Variants in LRRTM4 observed in about 807,000 individuals in gnomAD.
LRRTM4 encodes the protein leucine rich repeat transmembrane neuronal 4, also known as leucine-rich repeat transmembrane neuronal protein 4.
LRRTM4 carries 25 observed loss-of-function variants against 47.6 expected under a neutral mutation model. The observed-to-expected ratio is 0.53, with a 90% confidence interval of 0.38 to 0.73. The LOEUF (loss-of-function observed/expected upper bound fraction) is 0.73. Among genes scored for constraint, LRRTM4 ranks in the 30% least tolerant of loss-of-function variants. The pLI is 0.00. For missense variants in LRRTM4, 638 were observed against 713.4 expected, an observed-to-expected ratio of 0.89 and a Z score of 1.20; for synonymous variants, 311 against 269.5, an observed-to-expected ratio of 1.15 and a Z score of -1.51.
At chr2:77,055,051 T>C (rs528117840) in intron 3 of LRRTM4, among the ~76,000 whole-genome samples, 1 of 152,258 alleles carries the variant, frequency 6.6e-6, no homozygotes, top group South Asian at 2.1e-4. Flanking sequence ...AGCCCTGTGA[T>C]AGCTGGCTCC....
rs34070418 is a variant in LRRTM4, at chr2:77,217,440, A to AATATATATATATATATATATATAT, written c.1551+300854_1551+300877dup. Reference sequence around the variant, plus strand: ...TGATTTGGGCTATATCTCCAAATGAAATATATATATATATATATATATATA... The same window carrying AATATATATATATATATATATATAT: ...TGATTTGGGCTATATCTCCAAATGAAATATATATATATATATATATATATATATATATATATATATATATATATA... On this transcript the variant is annotated intron_variant, in intron 3 of 3. Coordinates refer to ENST00000409884, the MANE Select transcript of LRRTM4 (RefSeq NM_001134745.3). Among the ~76,000 whole-genome samples, 33 of 76,780 alleles carry AATATATATATATATATATATATAT rather than the reference A, an allele frequency of 4.3e-4. 1 individual carries two copies. The highest frequency in any genetic ancestry group is 9.1e-4 in the East Asian group (2 of 2,204). 50.4% of individuals were successfully genotyped at this position (76,780 alleles called of 152,430 possible). A position where few individuals can be genotyped will look rare whatever the true frequency, so the allele number is the denominator to read the frequency against.
At chr2:77,515,599 AT>A (rs944452074) in intron 3 of LRRTM4, among the ~76,000 whole-genome samples, 5 of 151,306 alleles carry the variant, frequency 3.3e-5, no homozygotes, top group Non-Finnish European at 7.4e-5. Flanking sequence ...GGTGTTTTTA[AT>A]TTTTTTTTAA....
At chr2:77,277,736 G>A (rs534618371) in intron 3 of LRRTM4, among the ~76,000 whole-genome samples, 6 of 151,920 alleles carry the variant, frequency 3.9e-5, no homozygotes, top group Non-Finnish European at 4.4e-5. Flanking sequence ...TAGCTCATTC[G>A]TAGTGAACTT....
At chr2:76,814,799 AC>A (rs1441522300) in intron 3 of LRRTM4, among the ~76,000 whole-genome samples, 52 of 47,162 alleles carry the variant, frequency 1.1e-3, no homozygotes, top group African/African-American at 6.0e-3. Context: ...CAAGATACAC[AC>A]ACACATACAC....
intron 3 of LRRTM4, among the ~76,000 whole-genome samples, chr2:77,050,054 G>A (rs181623973): frequency 6.6e-6 from 1 of 150,474 alleles, no homozygotes; most frequent in Non-Finnish European, 1.5e-5. Context: ...ATAAACACTT[G>A]TCCTTTGGAG....
At chr2:76,822,407 G>C (rs1475221603) in intron 3 of LRRTM4, among the ~76,000 whole-genome samples, 5 of 151,320 alleles carry the variant, frequency 3.3e-5, no homozygotes, top group Non-Finnish European at 5.9e-5. Flanking sequence ...CTATCAAAAA[G>C]AGGACAAGAG....
intron 3 of LRRTM4, among the ~76,000 whole-genome samples, chr2:77,270,237 A>G (rs1676155994): frequency 6.6e-6 from 1 of 152,182 alleles, no homozygotes; most frequent in African/African-American, 2.4e-5. Context: ...TAGAAAATTG[A>G]AAAGTTAGGA....
Position 76,969,641 on chromosome 2 carries a change from TAAC to T in LRRTM4, c.1552-220728_1552-220726del, listed in dbSNP as rs1676151644. Among the ~76,000 whole-genome samples the T allele has an allele frequency of 7.9e-5, 12 of 152,030 alleles. No individual in the cohort carries two copies. The South Asian group carries it at 2.5e-3, about 32-fold the overall frequency. On this transcript the variant is annotated intron_variant, in intron 3 of 3. Coordinates refer to ENST00000409884, the MANE Select transcript of LRRTM4 (RefSeq NM_001134745.3). ...TTTTCTAACAACAAAAAAAATGCCA[TAAC>T]AACAAAATAATACATTTACCAGTAA...
At chr2:77,039,578 C>G (rs2062146987) in intron 3 of LRRTM4, among the ~76,000 whole-genome samples, 1 of 151,224 alleles carries the variant, frequency 6.6e-6, no homozygotes. Flanking sequence ...CCTCCCCAAT[C>G]TATCTTCCAT....
chr2:77,152,111 A>C (rs1672446422), intron 3 of LRRTM4, among the ~76,000 whole-genome samples: 1 of 152,070 alleles, frequency 6.6e-6, no homozygotes, highest in African/African-American at 2.4e-5. Context: ...CACCTTCACC[A>C]CCTAACGCCT....
chr2:76,925,429 A>G (rs1009099169), intron 3 of LRRTM4, among the ~76,000 whole-genome samples: 14 of 152,100 alleles, frequency 9.2e-5, no homozygotes, highest in African/African-American at 3.1e-4. Context: ...TGAGGCTCTT[A>G]GCCGAGGATC....
intron 3 of LRRTM4, among the ~76,000 whole-genome samples, chr2:77,062,637 G>GA (rs772265666): frequency 7.4e-4 from 113 of 152,088 alleles, no homozygotes; most frequent in Admixed American, 1.8e-3. Flanking sequence ...GGAGAGGCAG[G>GA]ACTTAGATGG....
chr2:76,933,175 C>A (rs1477955294), intron 3 of LRRTM4, among the ~76,000 whole-genome samples: 1 of 152,024 alleles, frequency 6.6e-6, no homozygotes, highest in Non-Finnish European at 1.5e-5. Flanking sequence ...GAAATGCCAT[C>A]AATTCCCTTC....
At chr2:77,268,029 A>T (rs1244642089) in intron 3 of LRRTM4, among the ~76,000 whole-genome samples, 3 of 151,940 alleles carry the variant, frequency 2.0e-5, no homozygotes, top group Non-Finnish European at 2.9e-5. Flanking sequence ...TTTTTCTTTC[A>T]TAAATTTATA....
intron 3 of LRRTM4, among the ~76,000 whole-genome samples, chr2:77,250,011 C>T (rs1675559548): frequency 6.6e-6 from 1 of 151,988 alleles, no homozygotes; most frequent in South Asian, 2.1e-4. Flanking sequence ...GCTATCAAAT[C>T]ATCAAAAGAC....
At chr2:76,756,870 A>G (rs749541719) in intron 3 of LRRTM4, among the ~76,000 whole-genome samples, 3 of 152,198 alleles carry the variant, frequency 2.0e-5, no homozygotes, top group Non-Finnish European at 4.4e-5. Flanking sequence ...TTTAAAATGT[A>G]TTCTCATTGA....
intron 3 of LRRTM4, among the ~76,000 whole-genome samples, chr2:77,471,735 T>C (rs1262385360): frequency 6.6e-6 from 1 of 152,204 alleles, no homozygotes; most frequent in East Asian, 1.9e-4. Flanking sequence ...CAGTGATCTG[T>C]GCTGACTGCT....
rs142488213 is a variant in LRRTM4, at chr2:77,451,629, A to G, written c.1551+66689T>C. 5.0e-4 allele frequency among the ~76,000 whole-genome samples: 76 copies of G among 152,346 alleles called. 1 individual carries two copies. The East Asian group carries it at 0.014, about 29-fold the overall frequency. On this transcript the variant is annotated intron_variant, in intron 3 of 3. Transcript: ENST00000409884. ...TTAAATTCTAGGTGCTATTCTAAGC[A>G]TTGATAATATGTCAATGAACAAGAT...
intron 3 of LRRTM4, among the ~76,000 whole-genome samples, chr2:77,147,938 G>A (rs1672303031): frequency 6.6e-6 from 1 of 152,094 alleles, no homozygotes; most frequent in Admixed American, 6.5e-5. Context: ...GTCAAATGAA[G>A]CTTATTTCAT....
Sources: gnomAD v4.1 joint callset for allele counts (sites outside exome capture counted in the v4.1 genomes callset) on GRCh38, gnomAD v4.1.1 for gene constraint, MANE v1.5 for transcripts, NCBI Gene and HGNC (gene_info 2026-07-23, HGNC 2026-07-21) for gene names.